The following DNAH7 variants were observed in gnomAD, a reference collection of about 807,000 sequenced individuals.
The protein encoded by DNAH7 is dynein axonemal heavy chain 7.
In DNAH7, 397 loss-of-function variants were observed where a neutral mutation model predicts 444.6. The observed-to-expected ratio is 0.89, with a 90% CI of 0.82 to 0.97. The LOEUF (loss-of-function observed/expected upper bound fraction) is 0.97, where lower values mean the gene tolerates loss of function less well. Among genes scored for constraint, DNAH7 ranks in the 50% least tolerant of loss-of-function variants. DNAH7 has a pLI of 0.00. For missense variants in DNAH7, 4,902 were observed against 4,800.8 expected, an observed-to-expected ratio of 1.02 and a Z score of -0.62; for synonymous variants, 1,636 against 1,624.4, an observed-to-expected ratio of 1.01 and a Z score of -0.17.
intron 12 of DNAH7, among the ~76,000 whole-genome samples, chr2:195,993,204 C>T (rs1287681910): frequency 6.6e-6 from 1 of 152,138 alleles, no homozygotes; most frequent in African/African-American, 2.4e-5. Flanking sequence ...TGTCAGCAAG[C>T]CCCAGGACTG....
At chr2:195,893,221 A>T (rs1369720020) in intron 30 of DNAH7, 2 of 149,576 alleles carry the variant, frequency 1.3e-5, no homozygotes, top group East Asian at 4.0e-4. Context: ...AAGGGCCAAG[A>T]TTACAGGAAT....
At position 195,799,487 on chromosome 2, in the gene DNAH7, G is replaced by C; in HGVS notation, c.10177-15C>G. 3.3e-6 allele frequency: 5 copies of C among 1,530,576 alleles called. No homozygotes were observed. The highest frequency in any genetic ancestry group is 4.4e-6 in the Non-Finnish European group (5 of 1,140,914). 94.8% of individuals were successfully genotyped at this position (1,530,576 alleles called of 1,614,324 possible). On this transcript the variant is annotated splice_polypyrimidine_tract_variant and intron_variant, in intron 54 of 64. Transcript: ENST00000312428. ...ATTGGAATAACCTAGAAAGAGACAAGGATATAGTTGGAAGAATATTCAAAA... is the reference window on the plus strand; with the variant it reads ...ATTGGAATAACCTAGAAAGAGACAACGATATAGTTGGAAGAATATTCAAAA...
rs183091466 is a variant in DNAH7 at position 195,918,176 on chromosome 2, T to C, written c.3935+3912A>G. Among the ~76,000 whole-genome samples the C allele has an allele frequency of 1.5e-4, 23 of 152,216 alleles. No individual in the cohort carries two copies. In the East Asian group the frequency reaches 4.2e-3, roughly 28 times the overall value. The stretch of plus-strand genomic sequence containing the variant: ...AGAGGTATCCATATAAAAATAAACA[T>C]ATAAAAAGATGCTCAGCATCATATA... On this transcript the variant is annotated intron_variant, in intron 24 of 64. Transcript: ENST00000312428.
chr2:195,964,475 TG>T (rs1691324967), intron 17 of DNAH7, among the ~76,000 whole-genome samples: 1 of 152,140 alleles, frequency 6.6e-6, no homozygotes, highest in East Asian at 1.9e-4. Flanking sequence ...CACTGATTTT[TG>T]TATGTCAATT....
rs553748225 is a variant in DNAH7 at position 196,050,822 on chromosome 2, T to C, written c.141+365A>G. 2.0e-5 allele frequency among the ~76,000 whole-genome samples: 3 copies of C among 152,296 alleles called. No individual in the cohort carries two copies. The South Asian group carries it at 6.2e-4, about 32-fold the overall frequency. ...TTGAAGATCATCAAATCAACTCAGCTCATTTTCAAACTCAGAAACTGAGGC... is the reference window on the plus strand; with the variant it reads ...TTGAAGATCATCAAATCAACTCAGCCCATTTTCAAACTCAGAAACTGAGGC... On this transcript the variant is annotated intron_variant, in intron 3 of 64. Coordinates refer to ENST00000312428, the MANE Select transcript of DNAH7 (RefSeq NM_018897.3).
intron 19 of DNAH7, among the ~76,000 whole-genome samples, chr2:195,947,376 C>T (rs1309270956): frequency 1.3e-5 from 2 of 151,870 alleles, no homozygotes; most frequent in Admixed American, 6.6e-5. Flanking sequence ...CACGTGCCAT[C>T]GTGGTTTGCT....
chr2:195,963,437 T>C (rs930989152), intron 17 of DNAH7, among the ~76,000 whole-genome samples: 8 of 152,228 alleles, frequency 5.3e-5, no homozygotes, highest in African/African-American at 1.7e-4. Context: ...TCACATCTTT[T>C]GCCCATTTTA....
rs1224492199 is a variant in DNAH7, at chr2:195,988,026, A to G, written c.1557T>C (p.Tyr519=). 5.6e-6 allele frequency: 9 copies of G among 1,613,030 alleles called. No homozygotes were observed. Among genetic ancestry groups the G allele is most frequent in the African/African-American group, 4.0e-5 (3 of 74,856 alleles). ...TGCAAATTTCATCTATTATTTTTTCATAACTATGATTTTCTGCGAGGAAGT... is the reference window on the plus strand; with the variant it reads ...TGCAAATTTCATCTATTATTTTTTCGTAACTATGATTTTCTGCGAGGAAGT... ...VDNFLAENHS[Y]EKIIDEICKY... The change falls in exon 13 of 65, where the codon TAT becomes TAC. Residue 519 remains tyrosine (Y), a synonymous_variant. Coordinates refer to ENST00000312428, the MANE Select transcript of DNAH7 (RefSeq NM_018897.3).
chr2:195,874,621 G>T (rs1700921194), intron 38 of DNAH7, among the ~76,000 whole-genome samples: 1 of 151,130 alleles, frequency 6.6e-6, no homozygotes, highest in Admixed American at 6.6e-5. Context: ...AAAACAGCCT[G>T]GGCATAATAA....
At chr2:195,881,023 A>T (rs1403271949) in intron 36 of DNAH7, among the ~76,000 whole-genome samples, 1 of 151,676 alleles carries the variant, frequency 6.6e-6, no homozygotes, top group Non-Finnish European at 1.5e-5. Context: ...CCAGGCCAAA[A>T]ACACTCCCTG....
intron 54 of DNAH7, among the ~76,000 whole-genome samples, chr2:195,805,541 T>C (rs1205214026): frequency 6.6e-6 from 1 of 152,152 alleles, no homozygotes; most frequent in Non-Finnish European, 1.5e-5. Flanking sequence ...AATGCTAAAC[T>C]ACTGTAGTTA....
intron 15 of DNAH7, among the ~76,000 whole-genome samples, chr2:195,976,506 T>C (rs970303710): frequency 6.6e-6 from 1 of 152,082 alleles, no homozygotes; most frequent in African/African-American, 2.4e-5. Context: ...CTCACTGACC[T>C]GAAGGGAGGA....
At chr2:196,060,633 G>T (rs927670472) in intron 1 of DNAH7, among the ~76,000 whole-genome samples, 2 of 152,240 alleles carry the variant, frequency 1.3e-5, no homozygotes, top group African/African-American at 4.8e-5. Flanking sequence ...ATCAGAAAAA[G>T]TATCAGCCTT....
rs918431222 is a variant in DNAH7 at position 196,026,840 on chromosome 2, A to G, written c.587T>C (p.Leu196Pro). ...EHVLDLVPQH[L>P]KVFTDSIVTL... Reference sequence around the variant, plus strand: ...AACTATGCTGTCAGTGAAGACTTTCAGATGTTGTGGAACTAAATCCAGTAC... The same window carrying G: ...AACTATGCTGTCAGTGAAGACTTTCGGATGTTGTGGAACTAAATCCAGTAC... Residue 196 changes from leucine (L) to proline (P), a missense_variant, in exon 7 of 65, where the codon CTG becomes CCG. Coordinates refer to ENST00000312428, the MANE Select transcript of DNAH7 (RefSeq NM_018897.3). 1.2e-6 allele frequency: 2 copies of G among 1,612,514 alleles called. No individual in the cohort carries two copies.
chr2:195,898,262 G>A (rs533700804), intron 28 of DNAH7, among the ~76,000 whole-genome samples: 1 of 152,122 alleles, frequency 6.6e-6, no homozygotes, highest in Non-Finnish European at 1.5e-5. Flanking sequence ...TTTTCCAAAA[G>A]CATCAATAAC....
chr2:195,888,472 G>A (rs1298833236), intron 32 of DNAH7, 38 bp from the exon 33 acceptor site: 2 of 1,542,272 alleles, frequency 1.3e-6, no homozygotes, highest in East Asian at 2.3e-5. Context: ...AGGTAATAAT[G>A]CTTATAAAAT....
Position 195,895,242 on chromosome 2 carries a change from G to T in DNAH7, c.4648-18C>A. ...GTAATTCCCTGATGATAGATGATTTGAAGGATTTACATTTTATATATTTAT... is the reference window on the plus strand; with the variant it reads ...GTAATTCCCTGATGATAGATGATTTTAAGGATTTACATTTTATATATTTAT... On this transcript the variant is annotated intron_variant, in intron 29 of 64. Transcript: ENST00000312428. 1 of 1,560,234 alleles carries T rather than the reference G, an allele frequency of 6.4e-7. No homozygotes were observed. Among genetic ancestry groups the T allele is most frequent in the Non-Finnish European group, 8.8e-7 (1 of 1,141,736 alleles).
chr2:195,897,703 C>T lies in DNAH7; in HGVS notation c.4611G>A (p.Leu1537=). 1 of 1,601,584 alleles carries T rather than the reference C, an allele frequency of 6.2e-7. No individual in the cohort carries two copies. The highest frequency in any genetic ancestry group is 8.5e-7 in the Non-Finnish European group (1 of 1,174,132). The change falls in exon 29 of 65, where the codon CTG becomes CTA. Residue 1537 remains leucine, a synonymous_variant. Coordinates refer to ENST00000312428, the MANE Select transcript of DNAH7 (RefSeq NM_018897.3). ...LLLRSIIDVN[L]PKFLSHDLPL... ...GTAAATCATGGGATAAAAATTTTGGCAGATTTACATCAATGATAGATCTAA... is the reference window on the plus strand; with the variant it reads ...GTAAATCATGGGATAAAAATTTTGGTAGATTTACATCAATGATAGATCTAA...
rs911129318 is a variant in DNAH7 at position 196,068,239 on chromosome 2, A to T, written c.15+458T>A. ...ATTGACAACAACCTCAAAAAGAAGA[A>T]AAGTTGTTCTGATGTTTCCCCCGCT... On this transcript the variant is annotated intron_variant, in intron 1 of 64. Transcript: ENST00000312428. The T allele has an allele frequency of 9.1e-5, 16 of 176,078 alleles. No individual in the cohort carries two copies. In the East Asian group the frequency reaches 2.5e-3, roughly 27 times the overall value. 10.9% of individuals were successfully genotyped at this position (176,078 alleles called of 1,614,324 possible). A position where few individuals can be genotyped will look rare whatever the true frequency, so the allele number is the denominator to read the frequency against.
Sources: allele counts gnomAD v4.1 joint callset (sites outside exome capture counted in the v4.1 genomes callset), GRCh38; gene constraint gnomAD v4.1.1; transcripts MANE v1.5; gene names NCBI Gene and HGNC (gene_info 2026-07-23, HGNC 2026-07-21).